CHST15: variants seen among roughly 807,000 people sequenced by gnomAD.
The protein encoded by CHST15 is B cell RAG associated protein (GALNAC4S-6ST).
A neutral mutation model predicts 53.6 loss-of-function variants in CHST15; 30 were observed. That is an observed-to-expected ratio of 0.56 (90% CI 0.42 to 0.76). The LOEUF (loss-of-function observed/expected upper bound fraction) is 0.76. Among genes scored for constraint, CHST15 ranks in the 30% least tolerant of loss-of-function variants. The pLI is 0.00. For synonymous variants in CHST15, 296 were observed against 289.8 expected (o/e 1.02, Z -0.22); for missense variants, 627 against 740.5 (o/e 0.85, Z 1.78).
chr10:124,041,871 C>A (rs779963944), intron 4 of CHST15, among the ~76,000 whole-genome samples: 5 of 152,176 alleles, frequency 3.3e-5, no homozygotes, highest in African/African-American at 1.2e-4. Flanking sequence ...AAGCTGCCTC[C>A]GTCTTATATG....
At chr10:124,082,759 G>A (rs185403529) in intron 1 of CHST15, among the ~76,000 whole-genome samples, 184 of 152,322 alleles carry the variant, frequency 1.2e-3, no homozygotes, top group Middle Eastern at 6.8e-3. Context: ...AAGTGCTGAC[G>A]CATGCCACAG....
At chr10:124,015,750 G>C (rs972884308) in intron 6 of CHST15, among the ~76,000 whole-genome samples, 1 of 152,256 alleles carries the variant, frequency 6.6e-6, no homozygotes, top group Non-Finnish European at 1.5e-5. Context: ...CCTCAGGGAG[G>C]CTGCAATCTC....
At chr10:124,075,733 C>G (rs1473280004) in intron 1 of CHST15, among the ~76,000 whole-genome samples, 2 of 152,162 alleles carry the variant, frequency 1.3e-5, no homozygotes, top group Non-Finnish European at 2.9e-5. Context: ...CTGTCTTTGG[C>G]AGCTGGCCCT....
rs1353396286 is a variant in CHST15, at chr10:124,024,455, A to G, written c.1191-3043T>C. The stretch of plus-strand genomic sequence containing the variant: ...TACCCACAGAGTTCCTAGAATCAAA[A>G]CACCCACCGGAACAGGAGTGTTCCA... On this transcript the variant is annotated intron_variant, in intron 5 of 7. Transcript: ENST00000435907. This position sits in a 1 kb window ranked among gnomAD's most constrained non-coding sequence, Gnocchi z 4.0. Among the ~76,000 whole-genome samples, 3 of 152,082 alleles carry G rather than the reference A, an allele frequency of 2.0e-5. No individual in the cohort carries two copies. The highest frequency in any genetic ancestry group is 4.4e-5 in the Non-Finnish European group (3 of 67,994).
intron 1 of CHST15, among the ~76,000 whole-genome samples, chr10:124,082,693 C>T (rs993142088): frequency 9.9e-5 from 15 of 152,166 alleles, no homozygotes; most frequent in African/African-American, 3.4e-4. Context: ...CAAATGGATC[C>T]ATGAAACTGT....
At chr10:124,042,264 G>A (rs1947766964) in intron 4 of CHST15, 37 bp downstream of exon 4, 2 of 1,579,368 alleles carry the variant, frequency 1.3e-6, no homozygotes, top group Non-Finnish European at 1.7e-6. Flanking sequence ...ACCCCAGGGA[G>A]GGTGCTAGCC....
At chr10:124,090,864 C>T (rs1949583686) in intron 1 of CHST15, among the ~76,000 whole-genome samples, 1 of 152,248 alleles carries the variant, frequency 6.6e-6, no homozygotes, top group Non-Finnish European at 1.5e-5. Flanking sequence ...GGATGAATTA[C>T]CCCTGCATGC....
At chr10:124,062,075 C>T (rs982461457) in intron 1 of CHST15, among the ~76,000 whole-genome samples, 1 of 151,764 alleles carries the variant, frequency 6.6e-6, no homozygotes, top group Non-Finnish European at 1.5e-5. Context: ...GGAGTGCAGC[C>T]GGGAAGGACA....
At chr10:124,093,164 G>A (rs1949658132) in intron 1 of CHST15, among the ~76,000 whole-genome samples, 1 of 152,176 alleles carries the variant, frequency 6.6e-6, no homozygotes, top group Non-Finnish European at 1.5e-5. Context: ...GATCGCTGAA[G>A]CCTCGGGGAG....
chr10:124,049,951 A>T (rs1387824346), intron 1 of CHST15, among the ~76,000 whole-genome samples: 1 of 152,096 alleles, frequency 6.6e-6, no homozygotes, highest in Non-Finnish European at 1.5e-5. Flanking sequence ...GTAGGGGCAG[A>T]CTTGAATTGA....
In CHST15 at chr10:124,009,931, C is replaced by T. The variant is rs890064139; in HGVS notation, c.*218G>A. 26 of 1,387,498 alleles carry T rather than the reference C, an allele frequency of 1.9e-5. No individual in the cohort carries two copies. In the African/African-American group the frequency reaches 3.7e-4, roughly 20 times the overall value. The allele number at this position is 1,387,498 out of a possible 1,614,324, so 85.9% of individuals were successfully genotyped here. A position where few individuals can be genotyped will look rare whatever the true frequency, so the allele number is the denominator to read the frequency against. ...TGAATTCTTGAGAAACTGGGGTCTC[C>T]AATGGCCTCGGATAGAGGAGCTCTG... On this transcript the variant is annotated 3_prime_UTR_variant, in exon 8 of 8. Transcript: ENST00000435907.
chr10:124,066,528 G>A (rs1292510923), intron 1 of CHST15, among the ~76,000 whole-genome samples: 1 of 151,884 alleles, frequency 6.6e-6, no homozygotes, highest in Non-Finnish European at 1.5e-5. Flanking sequence ...ATATTCATAA[G>A]CTGGGATTAT....
chr10:124,064,961 CT>C (rs1290029858), intron 1 of CHST15, among the ~76,000 whole-genome samples: 4 of 152,188 alleles, frequency 2.6e-5, no homozygotes, highest in Non-Finnish European at 2.9e-5. Context: ...GCAAAAGAGT[CT>C]CTTCTTTTGT....
chr10:124,065,552 G>A (rs1295070012), intron 1 of CHST15, among the ~76,000 whole-genome samples: 1 of 151,964 alleles, frequency 6.6e-6, no homozygotes, highest in African/African-American at 2.4e-5. Context: ...GGCTTCACTG[G>A]CCCTGGGGTT....
chr10:124,083,667 A>G (rs979134296), intron 1 of CHST15, among the ~76,000 whole-genome samples: 1 of 152,164 alleles, frequency 6.6e-6, no homozygotes, highest in African/African-American at 2.4e-5. Flanking sequence ...TCAGGCTGAT[A>G]CTGTTCTCGT....
At chr10:124,027,882 C>T (rs978793114) in intron 5 of CHST15, among the ~76,000 whole-genome samples, 4 of 152,192 alleles carry the variant, frequency 2.6e-5, no homozygotes, top group Admixed American at 2.6e-4. Flanking sequence ...TGGCCCCTGC[C>T]CTCCGAGCTT....
At chr10:124,085,859 G>A (rs1949405408) in intron 1 of CHST15, among the ~76,000 whole-genome samples, 2 of 152,186 alleles carry the variant, frequency 1.3e-5, no homozygotes, top group South Asian at 4.1e-4. Flanking sequence ...GGGGGTGGGG[G>A]GCTCGATGAT....
intron 1 of CHST15, among the ~76,000 whole-genome samples, chr10:124,048,976 G>A (rs529950540): frequency 7.3e-4 from 111 of 152,274 alleles, no homozygotes; most frequent in African/African-American, 2.6e-3. Context: ...GCATGTCTGC[G>A]GGGCAGCTGC....
chr10:124,038,721 A>G (rs1374240880), intron 4 of CHST15, 50 bp from the exon 5 acceptor site: 3 of 1,597,614 alleles, frequency 1.9e-6, no homozygotes, highest in Non-Finnish European at 8.6e-7. Context: ...TCAGGCTCCC[A>G]CGGAGTGGCT....
Sources: allele counts gnomAD v4.1 joint callset (sites outside exome capture counted in the v4.1 genomes callset), GRCh38; gene constraint gnomAD v4.1.1; non-coding constraint Gnocchi (gnomAD v3.1); transcripts MANE v1.5; gene names NCBI Gene and HGNC (gene_info 2026-07-23, HGNC 2026-07-21).